TRMT5: variants seen among roughly 807,000 people sequenced by gnomAD.
TRMT5 encodes the protein tRNA (guanine(37)-N(1))-methyltransferase.
A neutral mutation model predicts 42.2 loss-of-function variants in TRMT5; 31 were observed. The observed-to-expected ratio is 0.73, with a 90% CI of 0.55 to 0.99. The LOEUF is 0.99. Ranked by LOEUF, TRMT5 falls within the 50% of genes least tolerant of loss-of-function variation. The pLI is 0.00. For missense variants in TRMT5, 568 were observed against 595.0 expected, an observed-to-expected ratio of 0.95 and a Z score of 0.47; for synonymous variants, 198 against 209.6, an observed-to-expected ratio of 0.94 and a Z score of 0.48.
At chr14:60,978,600 C>T (rs950395801) in intron 2 of TRMT5, among the ~76,000 whole-genome samples, 4 of 152,090 alleles carry the variant, frequency 2.6e-5, no homozygotes, top group African/African-American at 4.8e-5. Context: ...ATGAGTGCCT[C>T]TATGAAAGAA....
At chr14:60,975,437 T>C in intron 4 of TRMT5, 38 bp downstream of exon 4, 1 of 1,584,178 alleles carries the variant, frequency 6.3e-7, no homozygotes, top group African/African-American at 1.4e-5. Context: ...TACAATTGAA[T>C]GGCAAGGTTT....
chr14:60,972,538 AG>A lies in TRMT5; in HGVS notation c.*2570del. 2.4e-6 allele frequency: 1 copy of A among 421,818 alleles called. No homozygotes were observed. Among genetic ancestry groups the A allele is most frequent in the Admixed American group, 2.9e-5 (1 of 34,042 alleles). The allele number at this position is 421,818 out of a possible 1,614,324, so 26.1% of individuals were successfully genotyped here. On this transcript the variant is annotated 3_prime_UTR_variant, in exon 5 of 5. Coordinates refer to ENST00000261249, the MANE Select transcript of TRMT5 (RefSeq NM_020810.3). ...GCAGCGCGCGGGCTTTGGTCGGTCC[AG>A]GGGTCGTTCTTGCCTCTTCTCCTTC...
At chr14:60,981,609 C>T (rs1239489003), upstream of TRMT5, 1 of 1,481,906 alleles carries the variant, frequency 6.7e-7, no homozygotes, top group Admixed American at 2.0e-5. Flanking sequence ...TGAAAAGCGT[C>T]GGGTGGAAGA....
rs1432677772 is a variant in TRMT5, at chr14:60,974,204, TG to T, written c.*904del. The T allele has an allele frequency of 1.3e-5, 2 of 152,246 alleles. No homozygotes were observed. Among genetic ancestry groups the T allele is most frequent in the Non-Finnish European group, 2.9e-5 (2 of 68,044 alleles). The allele number at this position is 152,246 out of a possible 1,614,324, so 9.4% of individuals were successfully genotyped here. ...CATGTGATATACATGGCACTCAAAA[TG>T]CTGTCGTTACAACCACATCAGTGAT... On this transcript the variant is annotated 3_prime_UTR_variant, in exon 5 of 5. Coordinates refer to ENST00000261249, the MANE Select transcript of TRMT5 (RefSeq NM_020810.3).
chr14:60,981,567 A>G (rs2037023363), upstream of TRMT5: 1 of 1,525,944 alleles, frequency 6.6e-7, no homozygotes, highest in African/African-American at 1.4e-5. Context: ...TATGAACGTG[A>G]TAGCAGCCTA....
Position 60,973,656 on chromosome 14 carries a change from T to A in TRMT5, c.*1453A>T, listed in dbSNP as rs914341918. The A allele has an allele frequency of 5.9e-5, 9 of 152,154 alleles. No individual in the cohort carries two copies. The highest frequency in any genetic ancestry group is 2.2e-4 in the African/African-American group (9 of 41,422). The allele number at this position is 152,154 out of a possible 1,614,324, so 9.4% of individuals were successfully genotyped here. Reference sequence around the variant, plus strand: ...AACAGAGCAAGACCCTGTCTCTAAGTAAAAATAAAAATAGAGTCAAAGAAC... The same window carrying A: ...AACAGAGCAAGACCCTGTCTCTAAGAAAAAATAAAAATAGAGTCAAAGAAC... On this transcript the variant is annotated 3_prime_UTR_variant, in exon 5 of 5. Transcript: ENST00000261249.
Position 60,976,079 on chromosome 14 carries a change from A to G in TRMT5, c.840T>C (p.Tyr280=), listed in dbSNP as rs61747441. Residue 280 remains tyrosine, a synonymous_variant, in exon 4 of 5, where the codon TAT becomes TAC. Coordinates refer to ENST00000261249, the MANE Select transcript of TRMT5 (RefSeq NM_020810.3). ...GTTCTGTAGACAGACGAGGATTCCA[A>G]TAGACTTTTGAAAAATCAAATTCAT... ...YTYEFDFSKV[Y]WNPRLSTEHS... The G allele has an allele frequency of 6.2e-4, 996 of 1,611,996 alleles. 5 individuals carry two copies. In the African/African-American group the frequency reaches 0.011, roughly 17 times the overall value.
At chr14:60,977,871 G>C (rs926278442) in intron 2 of TRMT5, among the ~76,000 whole-genome samples, 5 of 152,148 alleles carry the variant, frequency 3.3e-5, no homozygotes, top group Non-Finnish European at 5.9e-5. Context: ...AAAACGTTTT[G>C]AGGAGTTTGG....
At chr14:60,976,367 C>T (rs2036847345) in intron 3 of TRMT5, among the ~76,000 whole-genome samples, 2 of 152,188 alleles carry the variant, frequency 1.3e-5, no homozygotes, top group Non-Finnish European at 2.9e-5. Flanking sequence ...CTCTTTAAAG[C>T]CAAATGGCTC....
At chr14:60,981,506 G>A (rs1375706205), upstream of TRMT5, 2 of 1,535,382 alleles carry the variant, frequency 1.3e-6, no homozygotes, top group Non-Finnish European at 8.7e-7. Flanking sequence ...CTGAACCCTG[G>A]GGGATGGGGT....
In TRMT5 at chr14:60,977,551, A is replaced by G. The variant is rs146979402; in HGVS notation, c.755T>C (p.Met252Thr). Residue 252 changes from methionine (M) to threonine (T), a missense_variant, in exon 3 of 5, where the codon ATG (methionine) becomes ACG (threonine). Transcript: ENST00000261249. ...GTTCTGCTCTCCAGATAGCACTTCC[A>G]TTTGGAAATTTCGGTACATATTGTC... ...NIDNMYRNFQ[M>T]EVLSGEQNMM... 3.7e-6 allele frequency: 6 copies of G among 1,611,286 alleles called. No individual in the cohort carries two copies. Among genetic ancestry groups the G allele is most frequent in the Non-Finnish European group, 5.1e-6 (6 of 1,178,680 alleles).
In TRMT5 at chr14:60,979,524, C is replaced by T. The variant is rs753292903; in HGVS notation, c.374G>A (p.Arg125His). Residue 125 changes from arginine to histidine, a missense_variant, in exon 2 of 5, where the codon CGT becomes CAT. Coordinates refer to ENST00000261249, the MANE Select transcript of TRMT5 (RefSeq NM_020810.3). ...TTTATCTTCCGGATCTTCAATCACA[C>T]GTCTTATGCCTGGGCGCTGCAATGC... is the stretch of plus-strand genomic sequence containing the variant. Reference protein sequence around the residue: ...RAALQRPGIRRVIEDPEDKES... With the variant: ...RAALQRPGIRHVIEDPEDKES... 1.4e-5 allele frequency: 23 copies of T among 1,614,014 alleles called. No individual in the cohort carries two copies. The highest frequency in any genetic ancestry group is 1.9e-5 in the Non-Finnish European group (22 of 1,180,024).
intron 2 of TRMT5, among the ~76,000 whole-genome samples, chr14:60,978,237 G>A (rs1048400128): frequency 1.3e-5 from 2 of 152,166 alleles, no homozygotes; most frequent in African/African-American, 2.4e-5. Context: ...GCCATTTGAT[G>A]AATCTATTTT....
At chr14:60,978,796 T>C (rs2036879863) in intron 2 of TRMT5, among the ~76,000 whole-genome samples, 1 of 152,190 alleles carries the variant, frequency 6.6e-6, no homozygotes, top group South Asian at 2.1e-4. Flanking sequence ...CAGGACAGTA[T>C]GGTGCTTGAC....
At chr14:60,980,232 T>C (rs965648648) in intron 1 of TRMT5, among the ~76,000 whole-genome samples, 1 of 152,214 alleles carries the variant, frequency 6.6e-6, no homozygotes, top group Admixed American at 6.5e-5. Context: ...GTAAATGAAA[T>C]AGTCATTATA....
In TRMT5 at chr14:60,979,280, A is replaced by G. The variant is rs2036889826; in HGVS notation, c.618T>C (p.Ile206=). ...VTSGFSRIGH[I]AHLNLRDHQL... is the part of the protein sequence containing the mutation. ...GATGATCTCGAAGGTTTAGGTGTGC[A>G]ATATGTCCAATCCTGCTAAACCCTG... is the stretch of plus-strand genomic sequence containing the variant. The change falls in exon 2 of 5, where the codon ATT becomes ATC. Residue 206 remains isoleucine, a synonymous_variant. Coordinates refer to ENST00000261249, the MANE Select transcript of TRMT5 (RefSeq NM_020810.3). The G allele has an allele frequency of 1.9e-6, 3 of 1,613,970 alleles. No homozygotes were observed. The East Asian group carries it at 6.7e-5, about 36-fold the overall frequency.
intron 1 of TRMT5, among the ~76,000 whole-genome samples, chr14:60,980,594 T>C (rs1226281439): frequency 6.6e-6 from 1 of 152,230 alleles, no homozygotes; most frequent in Non-Finnish European, 1.5e-5. Context: ...GTTATATGCA[T>C]AGTATCAGTT....
At chr14:60,979,150 TA>T (rs900413591) in intron 2 of TRMT5, 80 bp downstream of exon 2, 326 of 1,279,792 alleles carry the variant, frequency 2.5e-4, no homozygotes, top group African/African-American at 1.7e-3. Flanking sequence ...AACTTGGCAT[TA>T]AAAAAAATAA....
chr14:60,980,703 G>A (rs2036949610), intron 1 of TRMT5: 1 of 588,652 alleles, frequency 1.7e-6, no homozygotes, highest in Non-Finnish European at 3.0e-6. Context: ...CACCGTCAGA[G>A]ATCAAATTGG....
Sources: gnomAD v4.1 joint callset for allele counts (sites outside exome capture counted in the v4.1 genomes callset) on GRCh38, gnomAD v4.1.1 for gene constraint, MANE v1.5 for transcripts, NCBI Gene and HGNC (gene_info 2026-07-23, HGNC 2026-07-21) for gene names.